The following RAB5C variants were observed in gnomAD, a reference collection of about 807,000 sequenced individuals.
RAB5C encodes the protein ras-related protein Rab-5C.
RAB5C carries 4 observed loss-of-function variants against 25.2 expected under a neutral mutation model. The observed-to-expected ratio is 0.16, with a 90% CI of 0.08 to 0.36. RAB5C has a LOEUF of 0.36. Among genes scored for constraint, RAB5C ranks in the 10% least tolerant of loss-of-function variants. The probability of loss-of-function intolerance (pLI) is 1.00; values close to 1 mark genes in which losing one functional copy is unlikely to be tolerated. For missense variants in RAB5C, 199 were observed against 283.8 expected (o/e 0.70, Z 2.15); for synonymous variants, 100 against 106.4 (o/e 0.94, Z 0.37).
intron 1 of RAB5C, among the ~76,000 whole-genome samples, chr17:42,134,893 A>T (rs2054520145): frequency 6.6e-6 from 1 of 152,158 alleles, no homozygotes; most frequent in Non-Finnish European, 1.5e-5. Flanking sequence ...GAGAAAGAAA[A>T]ATGGGACACT....
intron 1 of RAB5C, among the ~76,000 whole-genome samples, chr17:42,138,202 G>C (rs950957687): frequency 1.3e-5 from 2 of 152,160 alleles, no homozygotes; most frequent in Non-Finnish European, 2.9e-5. Context: ...CAGAGGAAAG[G>C]GGGGTTTAGG....
intron 1 of RAB5C, among the ~76,000 whole-genome samples, chr17:42,140,494 T>C (rs1035364536): frequency 2.9e-5 from 2 of 69,580 alleles, no homozygotes; most frequent in African/African-American, 1.1e-4. Context: ...AATATATATA[T>C]ATATATATAT....
intron 1 of RAB5C, among the ~76,000 whole-genome samples, chr17:42,147,891 G>A (rs903484866): frequency 2.2e-4 from 33 of 152,294 alleles, no homozygotes; most frequent in Admixed American, 2.0e-3. Flanking sequence ...GAGGTTGGGA[G>A]TTCGAGACCA....
At chr17:42,151,801 G>A (rs1048290285) in intron 1 of RAB5C, among the ~76,000 whole-genome samples, 1 of 152,178 alleles carries the variant, frequency 6.6e-6, no homozygotes, top group Admixed American at 6.6e-5. Flanking sequence ...TTGGTCCTCA[G>A]AGGCAGAGGT....
Position 42,148,281 on chromosome 17 carries a change from T to C in RAB5C, c.-89+6612A>G, listed in dbSNP as rs376216549. ...CTAGATGGGCGTGGTGGTACACACCTGTAATCCCAGGTACTAGGGAGGCTG... is the reference window on the plus strand; with the variant it reads ...CTAGATGGGCGTGGTGGTACACACCCGTAATCCCAGGTACTAGGGAGGCTG... On this transcript the variant is annotated intron_variant, in intron 1 of 5. Transcript: ENST00000346213. Among the ~76,000 whole-genome samples the C allele has an allele frequency of 1.6e-4, 25 of 151,600 alleles. No individual in the cohort carries two copies. The South Asian group carries it at 5.0e-3, about 30-fold the overall frequency.
intron 1 of RAB5C, among the ~76,000 whole-genome samples, chr17:42,143,974 T>G (rs752137272): frequency 6.6e-6 from 1 of 151,848 alleles, no homozygotes; most frequent in Non-Finnish European, 1.5e-5. Flanking sequence ...TTAGTAGAGA[T>G]AGGGTTTCAC....
intron 1 of RAB5C, among the ~76,000 whole-genome samples, chr17:42,140,502 T>TAC (rs2054583052): frequency 1.2e-4 from 5 of 42,044 alleles, no homozygotes. Context: ...TATATATATA[T>TAC]ATATATATAT....
intron 1 of RAB5C, among the ~76,000 whole-genome samples, chr17:42,144,096 A>G (rs943437464): frequency 6.6e-6 from 1 of 152,036 alleles, no homozygotes; most frequent in Non-Finnish European, 1.5e-5. Context: ...TTATCGCTGG[A>G]TTATAAACCA....
intron 1 of RAB5C, among the ~76,000 whole-genome samples, chr17:42,147,377 C>A (rs2144096941): frequency 6.6e-6 from 1 of 152,316 alleles, no homozygotes; most frequent in South Asian, 2.1e-4. Flanking sequence ...TATCCACAGG[C>A]AGAGTCAAAT....
intron 1 of RAB5C, among the ~76,000 whole-genome samples, chr17:42,146,978 C>T (rs1187485343): frequency 3.4e-5 from 5 of 148,866 alleles, no homozygotes; most frequent in Admixed American, 6.8e-5. Context: ...CCAGCCTGGG[C>T]GACAAGGCAA....
intron 1 of RAB5C, among the ~76,000 whole-genome samples, chr17:42,141,696 C>A (rs1017236044): frequency 1.3e-5 from 2 of 152,188 alleles, no homozygotes; most frequent in Admixed American, 1.3e-4. Flanking sequence ...GCACCACTTA[C>A]TAGGGTGGCC....
intron 1 of RAB5C, among the ~76,000 whole-genome samples, chr17:42,143,223 A>G (rs1037353367): frequency 1.3e-5 from 2 of 152,204 alleles, no homozygotes; most frequent in East Asian, 3.8e-4. Context: ...CCATCAAGAG[A>G]AGAAATAACT....
Position 42,149,876 on chromosome 17 carries a change from G to GTTTTTTTTT in RAB5C, c.-89+5008_-89+5016dup, listed in dbSNP as rs925280473. On this transcript the variant is annotated intron_variant, in intron 1 of 5. Transcript: ENST00000346213. ...GGGTCTCATTATGTTGCCCAGGCTG[G>GTTTTTTTTT]TTTTTTTTTTTTTTTTTTTTGAGAT... Among the ~76,000 whole-genome samples the GTTTTTTTTT allele has an allele frequency of 6.4e-4, 77 of 121,156 alleles. 2 individuals carry two copies. Among genetic ancestry groups the GTTTTTTTTT allele is most frequent in the African/African-American group, 9.0e-4 (28 of 31,080 alleles). 79.5% of individuals were successfully genotyped at this position (121,156 alleles called of 152,430 possible).
At position 42,125,476 on chromosome 17, in the gene RAB5C, G is replaced by A. The variant is rs2054409236; in HGVS notation, c.*307C>T. ...CATATACAAGGGTTGGGGGGCAAGA[G>A]CATGTGGCTACTCCCAGCAAGGGAA... is the stretch of plus-strand genomic sequence containing the variant. On this transcript the variant is annotated 3_prime_UTR_variant, in exon 6 of 6. Coordinates refer to ENST00000346213, the MANE Select transcript of RAB5C (RefSeq NM_004583.4). 2 of 322,372 alleles carry A rather than the reference G, an allele frequency of 6.2e-6. No homozygotes were observed. Among genetic ancestry groups the A allele is most frequent in the Admixed American group, 4.6e-5 (1 of 21,870 alleles). The allele number at this position is 322,372 out of a possible 1,614,324, so 20.0% of individuals were successfully genotyped here.
chr17:42,128,067 A>G (rs959050873), intron 4 of RAB5C, among the ~76,000 whole-genome samples, 194 bp downstream of exon 4: 5 of 151,494 alleles, frequency 3.3e-5, no homozygotes, highest in Admixed American at 1.3e-4. Flanking sequence ...TGATCCTCCC[A>G]CTCCAGCCTC....
intron 4 of RAB5C, among the ~76,000 whole-genome samples, chr17:42,127,714 A>G (rs2054440915): frequency 6.6e-6 from 1 of 150,696 alleles, no homozygotes; most frequent in South Asian, 2.1e-4. Context: ...ATTTTTTTAG[A>G]CATGGGGTTT....
intron 4 of RAB5C, 92 bp from the exon 5 acceptor site, chr17:42,126,940 A>G: frequency 1.3e-6 from 1 of 774,478 alleles, no homozygotes; most frequent in Non-Finnish European, 2.2e-6. Flanking sequence ...TTATTCGAGC[A>G]CCTTATCATA....
intron 1 of RAB5C, among the ~76,000 whole-genome samples, chr17:42,143,669 AC>A (rs1223706472): frequency 6.6e-6 from 1 of 152,180 alleles, no homozygotes; most frequent in African/African-American, 2.4e-5. Flanking sequence ...TAAAGAAGTA[AC>A]CAAAAACCAA....
chr17:42,150,790 T>G (rs2144102337), intron 1 of RAB5C, among the ~76,000 whole-genome samples: 1 of 151,674 alleles, frequency 6.6e-6, no homozygotes, highest in South Asian at 2.1e-4. Flanking sequence ...GAGAATCGCT[T>G]GAACACAGGA....
Sources: allele counts gnomAD v4.1 joint callset (sites outside exome capture counted in the v4.1 genomes callset), GRCh38; gene constraint gnomAD v4.1.1; transcripts MANE v1.5; gene names NCBI Gene and HGNC (gene_info 2026-07-23, HGNC 2026-07-21).